Variants in GRAMD1B observed in about 807,000 individuals in gnomAD.
The protein encoded by GRAMD1B is protein Aster-B.
Under a neutral mutation model 99.7 loss-of-function variants are expected in GRAMD1B, and 37 were observed. The ratio of observed to expected loss-of-function variants is 0.37; its 90% CI spans 0.29 to 0.49. The LOEUF is 0.49. GRAMD1B is among the 20% of genes least tolerant of loss of function. GRAMD1B has a pLI of 0.98. For missense variants in GRAMD1B, 888 were observed against 1,009.2 expected (o/e 0.88, Z 1.63); for synonymous variants, 427 against 387.6 (o/e 1.10, Z -1.19).
intron 12 of GRAMD1B, 115 bp downstream of exon 12, chr11:123,608,917 C>T (rs1435032887): frequency 6.5e-6 from 5 of 767,314 alleles, no homozygotes; most frequent in East Asian, 5.4e-5. Context: ...CTCCTTCCCT[C>T]GGCCACCTCA....
intron 1 of GRAMD1B, among the ~76,000 whole-genome samples, chr11:123,466,013 C>T (rs561571331): frequency 4.5e-4 from 69 of 151,860 alleles, no homozygotes; most frequent in Non-Finnish European, 8.4e-4. Context: ...TGGTGGCTCA[C>T]GCCTGTGATC....
intron 1 of GRAMD1B, 116 bp downstream of exon 1, chr11:123,431,282 G>A: frequency 1.7e-6 from 1 of 595,828 alleles, no homozygotes; most frequent in Non-Finnish European, 3.0e-6. Context: ...CCCGTCACCA[G>A]AGGCGCTTCT....
Position 123,431,010 on chromosome 11 carries a change from A to T in GRAMD1B, c.218A>T (p.Glu73Val). The part of the protein sequence containing the change: ...DLPAVLAPGK[E>V]FLQLPSIEIT... ...CCCGCCGTCTTGGCCCCCGGCAAGG[A>T]GTTCCTGCAGCTGCCGTCCATCGAG... The change falls in exon 1 of 20, where the codon GAG becomes GTG. Residue 73 changes from glutamate (E) to valine (V), a missense_variant. Around this residue, in one of 5 missense-constraint regions of GRAMD1B, gnomAD observed 233 missense variants for 154.6 expected, o/e 1.51. Coordinates refer to ENST00000635736, the MANE Select transcript of GRAMD1B (RefSeq NM_001387025.1). 1 of 702,872 alleles carries T rather than the reference A, an allele frequency of 1.4e-6. No individual in the cohort carries two copies. The highest frequency in any genetic ancestry group is 2.6e-6 in the Non-Finnish European group (1 of 384,920). The allele number at this position is 702,872 out of a possible 1,614,324, so 43.5% of individuals were successfully genotyped here.
chr11:123,403,309 C>T (rs1259156316), intron 1 of GRAMD1B, among the ~76,000 whole-genome samples: 1 of 151,588 alleles, frequency 6.6e-6, no homozygotes, highest in Non-Finnish European at 1.5e-5. Context: ...TGCCTGTAGT[C>T]CCAGCTACTC....
Position 123,526,177 on chromosome 11 carries a change from T to C in GRAMD1B, c.452+45284T>C, listed in dbSNP as rs777919852. 3.5e-5 allele frequency: 57 copies of C among 1,611,042 alleles called. No homozygotes were observed. The Admixed American group carries it at 9.2e-4, about 26-fold the overall frequency. On this transcript the variant is annotated intron_variant, in intron 2 of 19. Coordinates refer to ENST00000635736, the MANE Select transcript of GRAMD1B (RefSeq NM_001387025.1). The stretch of plus-strand genomic sequence containing the variant: ...AAAGGATTCAAGCTCTCCTGGTAAG[T>C]AGAGGAGGGATAGGGCACCTTCCTC...
chr11:123,384,670 C>T (rs1946997983), intron 1 of GRAMD1B, among the ~76,000 whole-genome samples: 1 of 152,194 alleles, frequency 6.6e-6, no homozygotes, highest in South Asian at 2.1e-4. Context: ...TTAGCAAATA[C>T]TACTTGAATG....
chr11:123,434,123 G>A (rs1404771608), intron 1 of GRAMD1B, among the ~76,000 whole-genome samples: 2 of 150,988 alleles, frequency 1.3e-5, no homozygotes, highest in East Asian at 2.0e-4. Flanking sequence ...CCAGCTACTC[G>A]GGAGGCTGAG....
intron 2 of GRAMD1B, among the ~76,000 whole-genome samples, chr11:123,498,763 C>T (rs79564697): frequency 0.027 from 4,047 of 152,206 alleles, 174 homozygotes; most frequent in African/African-American, 0.092. Context: ...ACAAGCAAAG[C>T]TTATTTAATA....
Position 123,605,369 on chromosome 11 carries a change from C to T in GRAMD1B, c.1214C>T (p.Ser405Leu). The change falls in exon 10 of 20, where the codon TCA (serine) becomes TTA (leucine). Residue 405 changes from serine (S) to leucine (L), a missense_variant. Coordinates refer to ENST00000635736, the MANE Select transcript of GRAMD1B (RefSeq NM_001387025.1). ...GAAGAGAATGAAGTGAATGACAGCT[C>T]ATCCAAGAGCAGCATAGAGACCAAG... ...PVEENEVNDS[S>L]SKSSIETKPD... The T allele has an allele frequency of 1.2e-6, 2 of 1,612,890 alleles. No homozygotes were observed. The highest frequency in any genetic ancestry group is 3.3e-4 in the Middle Eastern group (2 of 6,054).
At chr11:123,360,185 A>C (rs1052941895) in intron 1 of GRAMD1B, among the ~76,000 whole-genome samples, 4 of 152,278 alleles carry the variant, frequency 2.6e-5, no homozygotes, top group Non-Finnish European at 5.9e-5. Flanking sequence ...CTTTCATTTA[A>C]TAATATTTAG....
At chr11:123,526,337 C>T (rs1025576512) in intron 2 of GRAMD1B, among the ~76,000 whole-genome samples, 1 of 152,144 alleles carries the variant, frequency 6.6e-6, no homozygotes, top group Non-Finnish European at 1.5e-5. Context: ...CTCCCTGGCT[C>T]CCCCAGCTGC....
chr11:123,541,837 A>G (rs1201994136), intron 2 of GRAMD1B, among the ~76,000 whole-genome samples: 1 of 151,860 alleles, frequency 6.6e-6, no homozygotes, highest in African/African-American at 2.4e-5. Flanking sequence ...CTTTTTTTTG[A>G]GTCCTTCTGT....
chr11:123,376,119 G>C (rs1946683512), intron 1 of GRAMD1B, among the ~76,000 whole-genome samples: 1 of 151,476 alleles, frequency 6.6e-6, no homozygotes, highest in South Asian at 2.1e-4. Flanking sequence ...GACCAGCTTT[G>C]GTATATCAAT....
At chr11:123,488,818 G>A (rs1302956330) in intron 2 of GRAMD1B, among the ~76,000 whole-genome samples, 1 of 152,196 alleles carries the variant, frequency 6.6e-6, no homozygotes, top group Non-Finnish European at 1.5e-5. Flanking sequence ...GCTCAAGGGA[G>A]ACAGGAAGAG....
chr11:123,576,177 C>G (rs558680598), intron 2 of GRAMD1B, among the ~76,000 whole-genome samples: 10 of 152,184 alleles, frequency 6.6e-5, no homozygotes, highest in Non-Finnish European at 1.3e-4. Flanking sequence ...AATGGGACAT[C>G]TGAGGTCACA....
intron 1 of GRAMD1B, among the ~76,000 whole-genome samples, chr11:123,367,903 T>A (rs1460250414): frequency 2.0e-5 from 3 of 151,350 alleles, no homozygotes; most frequent in Non-Finnish European, 4.4e-5. Flanking sequence ...GATCTGAGAG[T>A]TAAAGAATAG....
chr11:123,449,305 C>T (rs142853805), intron 1 of GRAMD1B, among the ~76,000 whole-genome samples: 1 of 152,208 alleles, frequency 6.6e-6, no homozygotes, highest in Non-Finnish European at 1.5e-5. Flanking sequence ...AAGCTCTTTG[C>T]ATGGAACATG....
At position 123,594,675 on chromosome 11, in the gene GRAMD1B, C is replaced by T. The variant is rs1951057692; in HGVS notation, c.770-60C>T. The T allele has an allele frequency of 8.3e-6, 7 of 843,410 alleles. No homozygotes were observed. The Admixed American group carries it at 1.0e-4, about 12-fold the overall frequency. The allele number at this position is 843,410 out of a possible 1,614,324, so 52.2% of individuals were successfully genotyped here. ...TGGGAGGGATGACATGCCTACTCTG[C>T]AGTGGTTTGCCGAAAATGCTTCCTG... On this transcript the variant is annotated intron_variant, in intron 5 of 19. Transcript: ENST00000635736.
At chr11:123,612,172 A>G (rs1340913294) in intron 14 of GRAMD1B, among the ~76,000 whole-genome samples, 1 of 151,746 alleles carries the variant, frequency 6.6e-6, no homozygotes, top group African/African-American at 2.4e-5. Context: ...CTGCAGCCTC[A>G]ACCTCCACCT....
Sources: gnomAD v4.1 joint callset for allele counts (sites outside exome capture counted in the v4.1 genomes callset) on GRCh38, gnomAD v4.1.1 for gene constraint, gnomAD v4.1.1 regional missense constraint, MANE v1.5 for transcripts, NCBI Gene and HGNC (gene_info 2026-07-23, HGNC 2026-07-21) for gene names.